The following NR1I2 variants were observed in gnomAD, a reference collection of about 807,000 sequenced individuals.
NR1I2 encodes the protein nuclear receptor subfamily 1 group I member 2.
NR1I2 carries 42 observed loss-of-function variants against 43.3 expected under a neutral mutation model. The ratio of observed to expected loss-of-function variants is 0.97; its 90% CI spans 0.76 to 1.26. The LOEUF is 1.26. Among genes scored for constraint, NR1I2 ranks in the 50% most tolerant of loss-of-function variants. The pLI, the probability that NR1I2 is intolerant of heterozygous loss-of-function variation, is 0.00. For synonymous variants in NR1I2, 229 were observed against 215.0 expected, an observed-to-expected ratio of 1.06 and a Z score of -0.57; for missense variants, 559 against 566.7, an observed-to-expected ratio of 0.99 and a Z score of 0.14.
chr3:119,787,548 A>G (rs7617259), intron 1 of NR1I2, among the ~76,000 whole-genome samples: 2,312 of 152,146 alleles, frequency 0.015, 57 homozygotes, highest in African/African-American at 0.053. Flanking sequence ...AACAACGTCA[A>G]TGGTTTTATA....
chr3:119,782,768 C>T (rs1175168887), intron 1 of NR1I2: 3 of 1,613,778 alleles, frequency 1.9e-6, no homozygotes, highest in African/African-American at 1.3e-5. Context: ...ATGACAGTCA[C>T]CAGGACTCAC....
intron 1 of NR1I2, among the ~76,000 whole-genome samples, chr3:119,789,799 G>A (rs1480638864): frequency 2.6e-5 from 4 of 151,988 alleles, no homozygotes; most frequent in African/African-American, 9.7e-5. Flanking sequence ...ACCCCAACCA[G>A]TCTACTATTT....
rs370995407 is a variant in NR1I2, at chr3:119,812,854, G to A, written c.688G>A (p.Asp230Asn). 1.1e-5 allele frequency: 18 copies of A among 1,614,102 alleles called. No homozygotes were observed. Among genetic ancestry groups the A allele is most frequent in the Admixed American group, 3.3e-5 (2 of 60,012 alleles). The stretch of plus-strand genomic sequence containing the variant: ...TGTCTGGAACTACAAACCCCCAGCC[G>A]ACAGTGGCGGGAAAGAGATCTTCTC... Residue 230 changes from aspartate to asparagine, a missense_variant, in exon 5 of 9, where the codon GAC (aspartate) becomes AAC (asparagine). Around this residue, in one of 3 missense-constraint regions of NR1I2, gnomAD observed 323 missense variants for 312.2 expected, o/e 1.03. Coordinates refer to ENST00000393716, the MANE Select transcript of NR1I2 (RefSeq NM_003889.4).
At chr3:119,799,985 A>ACACAC (rs1553717730) in intron 1 of NR1I2, among the ~76,000 whole-genome samples, 76 of 142,496 alleles carry the variant, frequency 5.3e-4, no homozygotes, top group African/African-American at 1.7e-3. Flanking sequence ...CAAACAAACA[A>ACACAC]ACACACACAC....
At chr3:119,783,338 T>A (rs538712046) in intron 1 of NR1I2, among the ~76,000 whole-genome samples, 1 of 152,248 alleles carries the variant, frequency 6.6e-6, no homozygotes, top group African/African-American at 2.4e-5. Context: ...ATTCGTTATG[T>A]ATTGTATATG....
chr3:119,791,866 T>C (rs1400270992), intron 1 of NR1I2: 1 of 584,772 alleles, frequency 1.7e-6, no homozygotes, highest in Non-Finnish European at 3.3e-6. Context: ...GGACTGGCCT[T>C]AGCTGTTGCA....
At chr3:119,803,254 G>C (rs2055104834) in intron 1 of NR1I2, among the ~76,000 whole-genome samples, 1 of 151,822 alleles carries the variant, frequency 6.6e-6, no homozygotes, top group African/African-American at 2.4e-5. Context: ...CTTGAGTCCA[G>C]GAGATAGAGG....
chr3:119,807,170 T>C, intron 1 of NR1I2, 59 bp from the exon 2 acceptor site: 1 of 1,444,272 alleles, frequency 6.9e-7, no homozygotes, highest in Non-Finnish European at 9.6e-7. Flanking sequence ...GTGTTTCCTC[T>C]GAGGCCTCTA....
At chr3:119,810,979 A>T (rs2055233172) in intron 3 of NR1I2, 1 of 153,716 alleles carries the variant, frequency 6.5e-6, no homozygotes, top group Non-Finnish European at 1.4e-5. Flanking sequence ...GCTGTAGCCC[A>T]GCTCTCTAGG....
intron 5 of NR1I2, among the ~76,000 whole-genome samples, chr3:119,813,862 G>A (rs996356924): frequency 5.9e-5 from 9 of 152,150 alleles, no homozygotes; most frequent in Admixed American, 2.0e-4. Flanking sequence ...TAACACCAGG[G>A]CTTCCCACTT....
chr3:119,807,235 A>G lies in NR1I2; in HGVS notation c.-16A>G. 1 of 1,613,708 alleles carries G rather than the reference A, an allele frequency of 6.2e-7. No homozygotes were observed. The highest frequency in any genetic ancestry group is 8.5e-7 in the Non-Finnish European group (1 of 1,179,652). On this transcript the variant is annotated 5_prime_UTR_variant, in exon 2 of 9. Transcript: ENST00000393716. ...GTGGTTTTCTCATTTCTAGTCCAAG[A>G]GGCCCAGAAGCAAACCTGGAGGTGA...
chr3:119,789,747 C>T (rs1204791434), intron 1 of NR1I2, among the ~76,000 whole-genome samples: 1 of 152,188 alleles, frequency 6.6e-6, no homozygotes, highest in Non-Finnish European at 1.5e-5. Context: ...TGCCTTCTCT[C>T]TGAGTGCACT....
At chr3:119,787,813 G>A (rs531204777) in intron 1 of NR1I2, among the ~76,000 whole-genome samples, 11 of 151,852 alleles carry the variant, frequency 7.2e-5, no homozygotes, top group African/African-American at 1.2e-4. Context: ...ATATGTAATC[G>A]TGTGTATGTA....
intron 1 of NR1I2, among the ~76,000 whole-genome samples, chr3:119,785,066 T>G (rs1339991898): frequency 6.6e-6 from 1 of 152,196 alleles, no homozygotes; most frequent in African/African-American, 2.4e-5. Flanking sequence ...AAACCTTAAT[T>G]TTTTGTGTCT....
At chr3:119,805,063 T>C (rs1266963985) in intron 1 of NR1I2, among the ~76,000 whole-genome samples, 2 of 152,236 alleles carry the variant, frequency 1.3e-5, no homozygotes, top group Non-Finnish European at 2.9e-5. Context: ...TATTGGTTTA[T>C]GAAGTCATTG....
chr3:119,816,969 A>C (rs1346223256), intron 8 of NR1I2, 99 bp from the exon 9 acceptor site: 3 of 1,516,088 alleles, frequency 2.0e-6, no homozygotes, highest in Non-Finnish European at 2.7e-6. Context: ...GGCTGACCTG[A>C]AATGTCCAGA....
rs374294967 is a variant in NR1I2 at position 119,818,127 on chromosome 3, C to T, written c.*915C>T. The T allele has an allele frequency of 1.1e-3, 1,059 of 985,544 alleles. No individual in the cohort carries two copies. Among genetic ancestry groups the T allele is most frequent in the Non-Finnish European group, 1.2e-3 (1,002 of 829,980 alleles). The allele number at this position is 985,544 out of a possible 1,614,324, so 61.0% of individuals were successfully genotyped here. On this transcript the variant is annotated 3_prime_UTR_variant, in exon 9 of 9. Transcript: ENST00000393716. Reference sequence around the variant, plus strand: ...AGGGCACAAACTGCAGCTGTGAGTGCGTGTGTGTGATTTGGTGTAGGTAGG... The same window carrying T: ...AGGGCACAAACTGCAGCTGTGAGTGTGTGTGTGTGATTTGGTGTAGGTAGG...
At chr3:119,795,062 G>C (rs899716757) in intron 1 of NR1I2, among the ~76,000 whole-genome samples, 2 of 152,230 alleles carry the variant, frequency 1.3e-5, no homozygotes, top group Admixed American at 6.5e-5. Context: ...TGACTAACCT[G>C]AACACCAGAT....
chr3:119,783,940 TCA>T (rs2054811628), intron 1 of NR1I2, among the ~76,000 whole-genome samples: 1 of 152,232 alleles, frequency 6.6e-6, no homozygotes, highest in Non-Finnish European at 1.5e-5. Context: ...ACGTCATATT[TCA>T]CAGTGTACAC....
Sources: allele counts gnomAD v4.1 joint callset (sites outside exome capture counted in the v4.1 genomes callset), GRCh38; gene constraint gnomAD v4.1.1; regional missense constraint gnomAD v4.1.1; transcripts MANE v1.5; gene names NCBI Gene and HGNC (gene_info 2026-07-23, HGNC 2026-07-21).